HVCN1: variants seen among roughly 807,000 people sequenced by gnomAD.
HVCN1 encodes the protein voltage-gated hydrogen channel 1.
HVCN1 carries 14 observed loss-of-function variants against 29.2 expected under a neutral mutation model. The observed-to-expected ratio is 0.48, with a 90% CI of 0.32 to 0.75. HVCN1 has a LOEUF of 0.75. Among genes scored for constraint, HVCN1 ranks in the 30% least tolerant of loss-of-function variants. The probability of loss-of-function intolerance (pLI) is 0.04; values close to 1 mark genes in which losing one functional copy is unlikely to be tolerated. For synonymous variants in HVCN1, 131 were observed against 133.2 expected (o/e 0.98, Z 0.11); for missense variants, 263 against 341.8 (o/e 0.77, Z 1.82).
chr12:110,652,777 A>C (rs1332641906), intron 5 of HVCN1, among the ~76,000 whole-genome samples: 1 of 152,196 alleles, frequency 6.6e-6, no homozygotes, highest in East Asian at 1.9e-4. Context: ...TAGTGTAGTC[A>C]CTGACTCAGG....
chr12:110,653,743 G>C (rs2067893897), intron 5 of HVCN1, among the ~76,000 whole-genome samples: 1 of 151,976 alleles, frequency 6.6e-6, no homozygotes, highest in Non-Finnish European at 1.5e-5. Flanking sequence ...TCTGGAGCTG[G>C]AGGCAGGAGA....
intron 4 of HVCN1, among the ~76,000 whole-genome samples, chr12:110,660,367 C>T (rs2068128227): frequency 6.6e-6 from 1 of 152,214 alleles, no homozygotes; most frequent in Admixed American, 6.5e-5. Context: ...TCCCTGCAAC[C>T]ACACCTGGAG....
At chr12:110,691,962 T>C (rs1341115947), upstream of HVCN1, among the ~76,000 whole-genome samples, 1 of 152,212 alleles carries the variant, frequency 6.6e-6, no homozygotes, top group East Asian at 1.9e-4. Context: ...CTTCAGCAAG[T>C]CTGGAGAATT....
At chr12:110,652,165 G>A (rs535039732) in intron 5 of HVCN1, among the ~76,000 whole-genome samples, 9 of 152,270 alleles carry the variant, frequency 5.9e-5, no homozygotes, top group South Asian at 2.1e-4. Context: ...AGGCCAAGGC[G>A]GGCAGATCAC....
At chr12:110,694,583 G>A (rs1185004950), upstream of HVCN1, among the ~76,000 whole-genome samples, 1 of 152,224 alleles carries the variant, frequency 6.6e-6, no homozygotes, top group Non-Finnish European at 1.5e-5. The surrounding 1 kb of genome is among the most constrained non-coding windows in gnomAD (Gnocchi z 4.6). Context: ...CCTGGCTCTG[G>A]TAGAGTGTGA....
intron 3 of HVCN1, among the ~76,000 whole-genome samples, chr12:110,678,172 G>A (rs769228060): frequency 1.3e-5 from 2 of 152,300 alleles, no homozygotes; most frequent in South Asian, 2.1e-4. Context: ...CACAGCCAGC[G>A]AGAAGCAAGG....
At chr12:110,694,285 C>T (rs964027479), upstream of HVCN1, among the ~76,000 whole-genome samples, 1 of 152,240 alleles carries the variant, frequency 6.6e-6, no homozygotes, top group African/African-American at 2.4e-5. The surrounding 1 kb of genome is among the most constrained non-coding windows in gnomAD (Gnocchi z 4.6). Flanking sequence ...TAGTCTCAAG[C>T]TCCTAGGCTC....
At chr12:110,650,524 G>T (rs2067756112) in intron 6 of HVCN1, among the ~76,000 whole-genome samples, 1 of 152,122 alleles carries the variant, frequency 6.6e-6, no homozygotes, top group Non-Finnish European at 1.5e-5. Context: ...TCACTGACAA[G>T]ATGAGCATTA....
intron 2 of HVCN1, among the ~76,000 whole-genome samples, chr12:110,698,750 GC>G (rs1389925648): frequency 6.6e-6 from 1 of 152,208 alleles, no homozygotes; most frequent in Non-Finnish European, 1.5e-5. Flanking sequence ...GCCCTGGGCA[GC>G]CCCCGCTTCC....
intron 3 of HVCN1, among the ~76,000 whole-genome samples, chr12:110,665,337 C>A (rs1405551016): frequency 1.3e-5 from 2 of 152,128 alleles, no homozygotes; most frequent in African/African-American, 4.8e-5. Context: ...GTGGGCAGAT[C>A]ACCTAAGGTC....
rs565169138 is a variant in HVCN1, at chr12:110,650,243, T to C, written c.681A>G (p.Gln227=). ...IISVKTRSER[Q]LLRLKQMNVQ... Reference sequence around the variant, plus strand: ...CATTCATCTGTTTTAACCTTAAGAGTTGCCGTTCTGAACGTGTCTTAACTG... The same window carrying C: ...CATTCATCTGTTTTAACCTTAAGAGCTGCCGTTCTGAACGTGTCTTAACTG... The change falls in exon 7 of 8, where the codon CAA becomes CAG. Residue 227 remains glutamine, a synonymous_variant. Transcript: ENST00000242607. 1 of 1,613,322 alleles carries C rather than the reference T, an allele frequency of 6.2e-7. No homozygotes were observed. The highest frequency in any genetic ancestry group is 1.1e-5 in the South Asian group (1 of 91,066).
intron 4 of HVCN1, among the ~76,000 whole-genome samples, chr12:110,659,766 C>A (rs770616207): frequency 2.0e-5 from 3 of 151,580 alleles, no homozygotes; most frequent in Non-Finnish European, 2.9e-5. Flanking sequence ...AAAAAAAAGC[C>A]CTTCTAAATG....
At chr12:110,655,155 C>T in intron 5 of HVCN1, 79 bp downstream of exon 5, 2 of 1,052,794 alleles carry the variant, frequency 1.9e-6, no homozygotes, top group African/African-American at 1.6e-5. Context: ...GTGTCAGCTG[C>T]TCCACTCTGC....
At chr12:110,679,614 G>A (rs1343151110) in intron 3 of HVCN1, among the ~76,000 whole-genome samples, 1 of 152,202 alleles carries the variant, frequency 6.6e-6, no homozygotes, top group East Asian at 1.9e-4. Context: ...AGCACTTTGG[G>A]AGGCCGAGGC....
At chr12:110,696,424 T>G (rs559953288) in intron 2 of HVCN1, among the ~76,000 whole-genome samples, 20 of 152,012 alleles carry the variant, frequency 1.3e-4, no homozygotes, top group Non-Finnish European at 2.5e-4. Context: ...AAGGAAACAC[T>G]GTCAAAGGCC....
upstream of HVCN1, among the ~76,000 whole-genome samples, chr12:110,693,229 C>T (rs113400342): frequency 9.9e-4 from 151 of 151,996 alleles, no homozygotes; most frequent in African/African-American, 3.4e-3. Context: ...ATGTAGGTAA[C>T]AAATTACAGT....
intron 3 of HVCN1, among the ~76,000 whole-genome samples, chr12:110,680,623 T>G (rs2068931965): frequency 6.6e-6 from 1 of 152,188 alleles, no homozygotes; most frequent in Admixed American, 6.5e-5. Context: ...ACAATTATAA[T>G]CAAAGACAGT....
In HVCN1 at chr12:110,680,149, A is replaced by T. The variant is rs1165725688; in HGVS notation, c.21+3076T>A. 1.3e-5 allele frequency among the ~76,000 whole-genome samples: 2 copies of T among 152,196 alleles called. 1 individual carries two copies. ...AAAGGAACATGTTCTTCAAACCAGTAAGAGGCTTATTTGCCACAAGCGGTC... is the reference window on the plus strand; with the variant it reads ...AAAGGAACATGTTCTTCAAACCAGTTAGAGGCTTATTTGCCACAAGCGGTC... On this transcript the variant is annotated intron_variant, in intron 3 of 7. Transcript: ENST00000242607.
chr12:110,699,836 A>G (rs1313758495), intron 2 of HVCN1, among the ~76,000 whole-genome samples: 1 of 152,218 alleles, frequency 6.6e-6, no homozygotes, highest in African/African-American at 2.4e-5. Flanking sequence ...CCTAAATATC[A>G]GTGGCTTAAA....
Sources: gnomAD v4.1 joint callset for allele counts (sites outside exome capture counted in the v4.1 genomes callset) on GRCh38, gnomAD v4.1.1 for gene constraint, Gnocchi (gnomAD v3.1) non-coding constraint, MANE v1.5 for transcripts, NCBI Gene and HGNC (gene_info 2026-07-23, HGNC 2026-07-21) for gene names.